DNAH7: variants seen among roughly 807,000 people sequenced by gnomAD.
DNAH7 encodes axonemal beta dynein heavy chain 7.
Under a neutral mutation model 444.6 loss-of-function variants are expected in DNAH7, and 397 were observed. The observed-to-expected ratio is 0.89, with a 90% CI of 0.82 to 0.97. The LOEUF is 0.97. DNAH7 is among the 50% of genes least tolerant of loss of function. The pLI, the probability that DNAH7 is intolerant of heterozygous loss-of-function variation, is 0.00. For missense variants in DNAH7, 4,902 were observed against 4,800.8 expected (o/e 1.02, Z -0.62); for synonymous variants, 1,636 against 1,624.4 (o/e 1.01, Z -0.17).
intron 52 of DNAH7, 31 bp from the exon 53 acceptor site, chr2:195,808,907 G>C (rs771577496): frequency 6.3e-7 from 1 of 1,590,148 alleles, no homozygotes; most frequent in Non-Finnish European, 8.6e-7. Context: ...TGAAGAGTCA[G>C]AAACGAGTTC....
rs975854581 is a variant in DNAH7, at chr2:196,001,591, T to A, written c.1173+84A>T. The A allele has an allele frequency of 5.5e-6, 7 of 1,275,034 alleles. No individual in the cohort carries two copies. In the African/African-American group the frequency reaches 1.1e-4, roughly 19 times the overall value. The allele number at this position is 1,275,034 out of a possible 1,614,324, so 79.0% of individuals were successfully genotyped here. A position where few individuals can be genotyped will look rare whatever the true frequency, so the allele number is the denominator to read the frequency against. On this transcript the variant is annotated intron_variant, in intron 11 of 64. Transcript: ENST00000312428. ...AAAGATGTACTTTCTGCCCTCTCACTGATAGAGATGTTATTTTCCTCTCTG... is the reference window on the plus strand; with the variant it reads ...AAAGATGTACTTTCTGCCCTCTCACAGATAGAGATGTTATTTTCCTCTCTG...
intron 15 of DNAH7, among the ~76,000 whole-genome samples, chr2:195,973,752 G>A (rs1038445415): frequency 4.3e-4 from 66 of 152,168 alleles, no homozygotes; most frequent in African/African-American, 1.4e-3. Flanking sequence ...AATTACAGGC[G>A]TCAGCCACCG....
At position 195,851,320 on chromosome 2, in the gene DNAH7, A is replaced by G. The variant is rs140740795; in HGVS notation, c.8781+2023T>C. On this transcript the variant is annotated intron_variant, in intron 46 of 64. Coordinates refer to ENST00000312428, the MANE Select transcript of DNAH7 (RefSeq NM_018897.3). ...GAGTGACATGAGAGATTTGTTAAGG[A>G]AAGTAAAAATTCAGGTTGATCTAGC... is the stretch of plus-strand genomic sequence containing the variant. Among the ~76,000 whole-genome samples the G allele has an allele frequency of 1.8e-4, 27 of 152,342 alleles. No individual in the cohort carries two copies. In the East Asian group the frequency reaches 5.0e-3, roughly 28 times the overall value.
At chr2:195,840,306 TC>T (rs1698607938) in intron 47 of DNAH7, among the ~76,000 whole-genome samples, 1 of 151,530 alleles carries the variant, frequency 6.6e-6, no homozygotes, top group Non-Finnish European at 1.5e-5. Flanking sequence ...AAATTTAACA[TC>T]CATTAATGTT....
At chr2:195,776,080 G>C in intron 59 of DNAH7, 97 bp from the exon 60 acceptor site, 1 of 1,437,918 alleles carries the variant, frequency 7.0e-7, no homozygotes, top group East Asian at 2.3e-5. Context: ...TCAAGTTATT[G>C]ACTGGATAGG....
chr2:196,034,296 C>G (rs1696246022), intron 5 of DNAH7, among the ~76,000 whole-genome samples: 1 of 151,952 alleles, frequency 6.6e-6, no homozygotes, highest in Non-Finnish European at 1.5e-5. Context: ...ATTTCATTCA[C>G]AATAAAATTA....
intron 17 of DNAH7, among the ~76,000 whole-genome samples, chr2:195,966,501 T>C (rs75716162): frequency 0.058 from 8,820 of 152,254 alleles, 369 homozygotes; most frequent in Non-Finnish European, 0.089. Context: ...GATGTTTCTT[T>C]GTTGGTTTTC....
rs745992714 is a variant in DNAH7, at chr2:195,808,725, A to T, written c.10040T>A (p.Phe3347Tyr). The T allele has an allele frequency of 3.7e-6, 6 of 1,613,906 alleles. No homozygotes were observed. The African/African-American group carries it at 6.7e-5, about 18-fold the overall frequency. The part of the protein sequence containing the change: ...LPAFKTIRRE[F>Y]MRLKDGWKKV... ...CTTCCATCCATCCTTTAAGCGCATA[A>T]ACTCTCTACGAATGGTTTTGAAGGC... is the stretch of plus-strand genomic sequence containing the variant. The change falls in exon 53 of 65, where the codon TTT becomes TAT. Residue 3347 changes from phenylalanine (F) to tyrosine (Y), a missense_variant. Physicochemically the swap from Phe to Tyr is conservative, Grantham distance 22 (BLOSUM62 3). Transcript: ENST00000312428.
rs145898504 is a variant in DNAH7, at chr2:196,032,326, G to C, written c.399-4279C>G. ...CAAATGAGATTTGGGTGGGGACACAGAGCCAAACCATAAAAGAGAGGACAG... is the reference window on the plus strand; with the variant it reads ...CAAATGAGATTTGGGTGGGGACACACAGCCAAACCATAAAAGAGAGGACAG... On this transcript the variant is annotated intron_variant, in intron 5 of 64. Transcript: ENST00000312428. 1.5e-3 allele frequency among the ~76,000 whole-genome samples: 230 copies of C among 152,214 alleles called. 1 individual carries two copies. The highest frequency in any genetic ancestry group is 5.1e-3 in the African/African-American group (211 of 41,542).
chr2:196,030,992 C>G (rs549086109), intron 5 of DNAH7, among the ~76,000 whole-genome samples: 1 of 152,372 alleles, frequency 6.6e-6, no homozygotes, highest in African/African-American at 2.4e-5. Flanking sequence ...AGTAGGGACT[C>G]TGAGTGGGGG....
intron 19 of DNAH7, among the ~76,000 whole-genome samples, chr2:195,938,286 T>C (rs986739544): frequency 7.9e-5 from 12 of 152,022 alleles, no homozygotes; most frequent in Admixed American, 1.3e-4. Context: ...TCTTTAAAGG[T>C]GCATAATTTT....
intron 8 of DNAH7, among the ~76,000 whole-genome samples, chr2:196,020,552 A>C (rs1158954166): frequency 6.6e-6 from 1 of 152,028 alleles, no homozygotes. Flanking sequence ...AGGATATGGA[A>C]AATGGGTACA....
rs560786594 is a variant in DNAH7, at chr2:195,891,511, T to C, written c.5046+144A>G. ...GTGCTGACATTTTTCTTCACAGAAA[T>C]ACTGCCAGAATATCCAGTACTGTGT... On this transcript the variant is annotated intron_variant, in intron 31 of 64. Coordinates refer to ENST00000312428, the MANE Select transcript of DNAH7 (RefSeq NM_018897.3). The C allele has an allele frequency of 1.1e-5, 8 of 721,240 alleles. No homozygotes were observed. In the South Asian group the frequency reaches 3.5e-4, roughly 32 times the overall value. 44.7% of individuals were successfully genotyped at this position (721,240 alleles called of 1,614,324 possible). A position where few individuals can be genotyped will look rare whatever the true frequency, so the allele number is the denominator to read the frequency against.
chr2:195,744,384 C>A (rs945688145), intron 63 of DNAH7, among the ~76,000 whole-genome samples: 13 of 152,202 alleles, frequency 8.5e-5, no homozygotes, highest in Non-Finnish European at 1.9e-4. Context: ...GTGGAGCCCA[C>A]CACAGCTCAA....
chr2:195,755,310 CAG>C (rs1694018812), intron 62 of DNAH7, among the ~76,000 whole-genome samples: 1 of 152,096 alleles, frequency 6.6e-6, no homozygotes, highest in African/African-American at 2.4e-5. Context: ...CTGGAAGAAG[CAG>C]GGTAGTGAGA....
At chr2:195,901,885 T>C (rs1292277659) in intron 27 of DNAH7, 1 of 152,212 alleles carries the variant, frequency 6.6e-6, no homozygotes, top group Non-Finnish European at 1.5e-5. Context: ...GGTTATATGA[T>C]GTTTTTGATG....
chr2:195,993,902 C>T lies in DNAH7; in HGVS notation c.1354-5673G>A, dbSNP rs113226873. ...GGTGGCCAGACCCCATTCTACAGCCCATCTGTCAGCCACAGCAAGCCAATC... is the reference window on the plus strand; with the variant it reads ...GGTGGCCAGACCCCATTCTACAGCCTATCTGTCAGCCACAGCAAGCCAATC... On this transcript the variant is annotated intron_variant, in intron 12 of 64. Coordinates refer to ENST00000312428, the MANE Select transcript of DNAH7 (RefSeq NM_018897.3). Among the ~76,000 whole-genome samples the T allele has an allele frequency of 3.5e-3, 532 of 152,196 alleles. 5 individuals are homozygous for T. Among genetic ancestry groups the T allele is most frequent in the Non-Finnish European group, 6.0e-3 (411 of 67,994 alleles).
intron 27 of DNAH7, chr2:195,905,737 T>G (rs960591231): frequency 5.3e-5 from 8 of 152,182 alleles, no homozygotes; most frequent in Non-Finnish European, 1.0e-4. Context: ...TGGTGTGTTT[T>G]TTTTTAAAGT....
At chr2:195,841,813 A>G (rs564347200) in intron 47 of DNAH7, among the ~76,000 whole-genome samples, 1 of 152,080 alleles carries the variant, frequency 6.6e-6, no homozygotes, top group South Asian at 2.1e-4. Context: ...ATAGCACTCA[A>G]TGTTCCAAGT....
Sources: gnomAD v4.1 joint callset for allele counts (sites outside exome capture counted in the v4.1 genomes callset) on GRCh38, gnomAD v4.1.1 for gene constraint, MANE v1.5 for transcripts, NCBI Gene and HGNC (gene_info 2026-07-23, HGNC 2026-07-21) for gene names.